The following LCN15 variants were observed in gnomAD, a reference collection of about 807,000 sequenced individuals.
LCN15 encodes lipocalin 15.
LCN15 carries 26 observed loss-of-function variants against 23.1 expected under a neutral mutation model. The ratio of observed to expected loss-of-function variants is 1.13; its 90% CI spans 0.82 to 1.56. The LOEUF (loss-of-function observed/expected upper bound fraction) is 1.56. Among genes scored for constraint, LCN15 ranks in the 40% most tolerant of loss-of-function variants. The pLI is 0.00. For missense variants in LCN15, 241 were observed against 239.5 expected (o/e 1.01, Z -0.04); for synonymous variants, 107 against 98.3 (o/e 1.09, Z -0.52).
chr9:136,763,283 G>T lies in LCN15; in HGVS notation c.418+74C>A, dbSNP rs1233902625. 7 of 802,308 alleles carry T rather than the reference G, an allele frequency of 8.7e-6. No individual in the cohort carries two copies. The Admixed American group carries it at 9.2e-5, about 11-fold the overall frequency. 49.7% of individuals were successfully genotyped at this position (802,308 alleles called of 1,614,324 possible). A position where few individuals can be genotyped will look rare whatever the true frequency, so the allele number is the denominator to read the frequency against. ...GGGGCGGCAGGCGGGCGGGGCGGGG[G>T]TAGGCAGAACGGGGGGCGGGGCCTG... On this transcript the variant is annotated intron_variant, in intron 4 of 6. Coordinates refer to ENST00000316144, the MANE Select transcript of LCN15 (RefSeq NM_203347.2).
chr9:136,760,195 C>T (rs1161032445), intron 6 of LCN15, among the ~76,000 whole-genome samples: 1 of 152,264 alleles, frequency 6.6e-6, no homozygotes, highest in Non-Finnish European at 1.5e-5. Flanking sequence ...GGGCACTCTA[C>T]CCCGAAAGCT....
rs765791238 is a variant in LCN15, at chr9:136,761,777, G to T, written c.*32+10C>A. The T allele has an allele frequency of 8.0e-7, 1 of 1,257,432 alleles. No individual in the cohort carries two copies. Among genetic ancestry groups the T allele is most frequent in the Non-Finnish European group, 1.0e-6 (1 of 998,240 alleles). 77.9% of individuals were successfully genotyped at this position (1,257,432 alleles called of 1,614,324 possible). ...ACCAGGGCATCCCCTGCAGGGCCTG[G>T]AGAACCCACCTGGGAAGGGCGGGGG... On this transcript the variant is annotated intron_variant, in intron 6 of 6. Transcript: ENST00000316144. This position sits in a 1 kb window ranked among gnomAD's most constrained non-coding sequence, Gnocchi z 4.2.
intron 1 of LCN15, 55 bp from the exon 2 acceptor site, chr9:136,764,064 T>C: frequency 6.3e-7 from 1 of 1,593,820 alleles, no homozygotes; most frequent in South Asian, 1.1e-5. Flanking sequence ...GGGCCCTCCT[T>C]GCCCAGGGAC....
intron 6 of LCN15, among the ~76,000 whole-genome samples, chr9:136,760,895 T>G (rs1001080477): frequency 6.6e-6 from 1 of 152,194 alleles, no homozygotes; most frequent in Non-Finnish European, 1.5e-5. Flanking sequence ...TTGGAAACGG[T>G]CTTTGCAGAT....
chr9:136,764,357 T>C (rs752811695), intron 1 of LCN15, 36 bp downstream of exon 1: 2 of 1,569,654 alleles, frequency 1.3e-6, no homozygotes, highest in African/African-American at 2.7e-5. Context: ...GGGGCCCAGC[T>C]CCCACCCACC....
In LCN15 at chr9:136,763,448, C is replaced by G. The variant is rs11145872; in HGVS notation, c.327G>C (p.Val109=). 904 of 1,608,676 alleles carry G rather than the reference C, an allele frequency of 5.6e-4. 8 individuals are homozygous for G. The African/African-American group carries it at 0.011, about 19-fold the overall frequency. Residue 109 remains valine (V), a synonymous_variant, in exon 4 of 7, where the codon GTG becomes GTC. Transcript: ENST00000316144. ...AGCTGTAGTCTGTGTCCACGATGCG[C>G]ACGTCCAGGTAGCCCAAGGCTGCGG... ...FRVPALGYLD[V]RIVDTDYSSF... is the part of the protein sequence containing the mutation.
At chr9:136,759,938 C>T (rs1028087622) in intron 6 of LCN15, among the ~76,000 whole-genome samples, 155 bp from the exon 7 acceptor site, 7 of 114,884 alleles carry the variant, frequency 6.1e-5, no homozygotes, top group African/African-American at 1.7e-4. Flanking sequence ...TGGAAACACA[C>T]ACCAGCTACC....
intron 3 of LCN15, 107 bp downstream of exon 3, chr9:136,763,606 G>T (rs1199761362): frequency 2.0e-5 from 27 of 1,351,420 alleles, no homozygotes; most frequent in Non-Finnish European, 2.7e-5. Flanking sequence ...CGGGCAGGGG[G>T]CTGGAGACTG....
chr9:136,763,971 G>A lies in LCN15; in HGVS notation c.135C>T (p.Asp45=), dbSNP rs1464431027. ...CCTTCTTGCCCAGGAAGACCCTGCAGTCAGATGCCATGGAGACCACGTACC... is the reference window on the plus strand; with the variant it reads ...CCTTCTTGCCCAGGAAGACCCTGCAATCAGATGCCATGGAGACCACGTACC... ...GLWYVVSMAS[D]CRVFLGKKDH... The change falls in exon 2 of 7, where the codon GAC becomes GAT. Residue 45 remains aspartate, a synonymous_variant. Transcript: ENST00000316144. The A allele has an allele frequency of 1.2e-6, 2 of 1,613,310 alleles. No individual in the cohort carries two copies. The highest frequency in any genetic ancestry group is 2.2e-5 in the East Asian group (1 of 44,904).
chr9:136,764,277 G>T (rs1008534171), intron 1 of LCN15, 116 bp downstream of exon 1: 3 of 1,041,010 alleles, frequency 2.9e-6, no homozygotes, highest in South Asian at 3.1e-5. Context: ...TCTATAGCAC[G>T]TGCCTGGCCG....
chr9:136,760,662 A>G (rs931972759), intron 6 of LCN15, among the ~76,000 whole-genome samples: 9 of 152,164 alleles, frequency 5.9e-5, no homozygotes, highest in South Asian at 2.1e-4. Flanking sequence ...TCTCCGCAAG[A>G]CCCCGCCCGC....
At chr9:136,762,728 C>A (rs983491914) in intron 4 of LCN15, among the ~76,000 whole-genome samples, 2 of 151,994 alleles carry the variant, frequency 1.3e-5, no homozygotes, top group Admixed American at 6.6e-5. Flanking sequence ...GGTGAAACCC[C>A]GTCTCTACTA....
chr9:136,760,700 G>A (rs956862057), intron 6 of LCN15, among the ~76,000 whole-genome samples: 5 of 152,252 alleles, frequency 3.3e-5, no homozygotes, highest in African/African-American at 9.6e-5. Flanking sequence ...GGCACTGCGC[G>A]CGAAGGCTGT....
Position 136,761,802 on chromosome 9 carries a change from G to A in LCN15, c.*17C>T, listed in dbSNP as rs751263236. On this transcript the variant is annotated 3_prime_UTR_variant, in exon 6 of 7. Coordinates refer to ENST00000316144, the MANE Select transcript of LCN15 (RefSeq NM_203347.2). The surrounding 1 kb of genome is among the most constrained non-coding windows in gnomAD (Gnocchi z 4.2). Reference sequence around the variant, plus strand: ...GAGAACCCACCTGGGAAGGGCGGGGGTGGGGCTCCGGAGGTGTCAGGGCGC... The same window carrying A: ...GAGAACCCACCTGGGAAGGGCGGGGATGGGGCTCCGGAGGTGTCAGGGCGC... The A allele has an allele frequency of 2.3e-6, 3 of 1,282,842 alleles. No homozygotes were observed. The highest frequency in any genetic ancestry group is 2.0e-6 in the Non-Finnish European group (2 of 1,013,758). 79.5% of individuals were successfully genotyped at this position (1,282,842 alleles called of 1,614,324 possible).
intron 6 of LCN15, 70 bp from the exon 7 acceptor site, chr9:136,759,853 C>T (rs1009642893): frequency 6.6e-6 from 1 of 152,392 alleles, no homozygotes; most frequent in African/African-American, 2.4e-5. Flanking sequence ...TCCCCACAAG[C>T]TGGGCATCAC....
intron 4 of LCN15, 78 bp downstream of exon 4, chr9:136,763,279 G>T: frequency 2.6e-6 from 2 of 767,986 alleles, no homozygotes; most frequent in Non-Finnish European, 4.0e-6. Context: ...CGGGCGGGGC[G>T]GGGGTAGGCA....
At position 136,761,913 on chromosome 9, in the gene LCN15, G is replaced by T; in HGVS notation, c.521-60C>A. On this transcript the variant is annotated intron_variant, in intron 5 of 6. Coordinates refer to ENST00000316144, the MANE Select transcript of LCN15 (RefSeq NM_203347.2). The surrounding 1 kb of genome is among the most constrained non-coding windows in gnomAD (Gnocchi z 4.2). ...GCCAGGACCGCCCTCGCTTCCCGCAGCCCCCAACCCCTGGGTGCCAAGGGC... is the reference window on the plus strand; with the variant it reads ...GCCAGGACCGCCCTCGCTTCCCGCATCCCCCAACCCCTGGGTGCCAAGGGC... 1 of 1,288,866 alleles carries T rather than the reference G, an allele frequency of 7.8e-7. No homozygotes were observed. The highest frequency in any genetic ancestry group is 1.0e-6 in the Non-Finnish European group (1 of 1,003,788). 79.8% of individuals were successfully genotyped at this position (1,288,866 alleles called of 1,614,324 possible).
rs1052771311 is a variant in LCN15 at position 136,761,481 on chromosome 9, G to T, written c.*32+306C>A. Among the ~76,000 whole-genome samples the T allele has an allele frequency of 2.6e-5, 4 of 152,248 alleles. No homozygotes were observed. Among genetic ancestry groups the T allele is most frequent in the African/African-American group, 9.6e-5 (4 of 41,546 alleles). The stretch of plus-strand genomic sequence containing the variant: ...TCTCCATGTTGGTCAGGCTGGTCTC[G>T]AACTCCCAACCTCAGGTGACCCGCC... On this transcript the variant is annotated intron_variant, in intron 6 of 6. Transcript: ENST00000316144. This position sits in a 1 kb window ranked among gnomAD's most constrained non-coding sequence, Gnocchi z 4.2.
chr9:136,763,660 C>G, intron 3 of LCN15, 53 bp downstream of exon 3: 2 of 1,590,126 alleles, frequency 1.3e-6, no homozygotes, highest in Non-Finnish European at 1.7e-6. Flanking sequence ...CCCCACGTCA[C>G]CCCCAGAGAA....
Sources: allele counts gnomAD v4.1 joint callset (sites outside exome capture counted in the v4.1 genomes callset), GRCh38; gene constraint gnomAD v4.1.1; non-coding constraint Gnocchi (gnomAD v3.1); transcripts MANE v1.5; gene names NCBI Gene and HGNC (gene_info 2026-07-23, HGNC 2026-07-21).